VEPH1: variants seen among roughly 807,000 people sequenced by gnomAD.
VEPH1 encodes ventricular zone-expressed PH domain-containing protein homolog 1.
In VEPH1, 80 loss-of-function variants were observed where a neutral mutation model predicts 85.2. The ratio of observed to expected loss-of-function variants is 0.94; its 90% CI spans 0.78 to 1.13. The LOEUF is 1.13. Ranked by LOEUF, VEPH1 falls within the 50% of genes most tolerant of loss-of-function variation. VEPH1 has a pLI of 0.00. For missense variants in VEPH1, 955 were observed against 980.5 expected, an observed-to-expected ratio of 0.97 and a Z score of 0.35; for synonymous variants, 297 against 348.0, an observed-to-expected ratio of 0.85 and a Z score of 1.63.
intron 7 of VEPH1, among the ~76,000 whole-genome samples, chr3:157,380,744 A>G (rs1446612575): frequency 6.6e-6 from 1 of 152,162 alleles, no homozygotes; most frequent in Admixed American, 6.5e-5. Flanking sequence ...GCACTTAAAT[A>G]TTTATCTCAT....
rs71872669 is a variant in VEPH1 at position 157,304,019 on chromosome 3, T to TATATATATATA, written c.2010+9601_2010+9602insTATATATATAT. On this transcript the variant is annotated intron_variant, in intron 11 of 13. Coordinates refer to ENST00000362010, the MANE Select transcript of VEPH1 (RefSeq NM_001167912.2). Reference sequence around the variant, plus strand: ...GTAGACTTAAATTTCTCATCTTATATTTTTTATATATATATATATACACAC... The same window carrying TATATATATATA: ...GTAGACTTAAATTTCTCATCTTATATATATATATATATTTTTATATATATATATATACACAC... Among the ~76,000 whole-genome samples, 12 of 52,306 alleles carry TATATATATATA rather than the reference T, an allele frequency of 2.3e-4. 1 individual carries two copies. The Middle Eastern group carries it at 0.021, about 90-fold the overall frequency. The allele number at this position is 52,306 out of a possible 152,430, so 34.3% of individuals were successfully genotyped here. A position where few individuals can be genotyped will look rare whatever the true frequency, so the allele number is the denominator to read the frequency against.
At chr3:157,429,629 A>C (rs1273270000) in intron 4 of VEPH1, among the ~76,000 whole-genome samples, 2 of 152,206 alleles carry the variant, frequency 1.3e-5, no homozygotes, top group African/African-American at 4.8e-5. Flanking sequence ...GGAAATATTT[A>C]GAGTTTTCTT....
At chr3:157,445,916 A>T (rs1486132805) in intron 4 of VEPH1, among the ~76,000 whole-genome samples, 1 of 152,212 alleles carries the variant, frequency 6.6e-6, no homozygotes, top group Admixed American at 6.5e-5. Flanking sequence ...TATCTGACTT[A>T]AAAAAACAAC....
intron 2 of VEPH1, among the ~76,000 whole-genome samples, chr3:157,490,537 A>G (rs1391211496): frequency 3.9e-5 from 6 of 152,152 alleles, no homozygotes; most frequent in Admixed American, 3.9e-4. Context: ...CAACCTTGGT[A>G]ATAATGAGAG....
At chr3:157,398,398 G>A (rs1294249346) in intron 6 of VEPH1, among the ~76,000 whole-genome samples, 4 of 152,212 alleles carry the variant, frequency 2.6e-5, no homozygotes, top group Non-Finnish European at 5.9e-5. Flanking sequence ...CACTTTGGGA[G>A]GCCGAGGCGT....
At chr3:157,359,603 GT>G (rs1196258523) in intron 9 of VEPH1, among the ~76,000 whole-genome samples, 8 of 152,118 alleles carry the variant, frequency 5.3e-5, no homozygotes, top group Non-Finnish European at 8.8e-5. Flanking sequence ...TCTATTGCCT[GT>G]TCCCAGTGTG....
At chr3:157,406,084 T>A (rs1462422364) in intron 6 of VEPH1, among the ~76,000 whole-genome samples, 2 of 152,190 alleles carry the variant, frequency 1.3e-5, no homozygotes, top group Non-Finnish European at 2.9e-5. Context: ...GTACCCTTTT[T>A]AACAATACAA....
At chr3:157,471,254 G>A (rs1030866331) in intron 2 of VEPH1, among the ~76,000 whole-genome samples, 7 of 152,194 alleles carry the variant, frequency 4.6e-5, no homozygotes, top group African/African-American at 1.7e-4. Flanking sequence ...GAGATGGGAA[G>A]TGATGGGGTT....
intron 9 of VEPH1, among the ~76,000 whole-genome samples, chr3:157,353,655 A>G (rs1268088204): frequency 6.6e-6 from 1 of 152,090 alleles, no homozygotes; most frequent in Non-Finnish European, 1.5e-5. Context: ...TTGTACATAC[A>G]TACACATATA....
At chr3:157,471,462 A>G (rs1736951230) in intron 2 of VEPH1, among the ~76,000 whole-genome samples, 1 of 152,324 alleles carries the variant, frequency 6.6e-6, no homozygotes, top group Non-Finnish European at 1.5e-5. Flanking sequence ...TATGTTCCAG[A>G]AAGGTTTTAC....
Position 157,304,034 on chromosome 3 carries a change from T to TACACACAC in VEPH1, c.2010+9586_2010+9587insGTGTGTGT, listed in dbSNP as rs1010861158. Among the ~76,000 whole-genome samples the TACACACAC allele has an allele frequency of 1.6e-4, 12 of 73,072 alleles. 1 individual carries two copies. Among genetic ancestry groups the TACACACAC allele is most frequent in the Non-Finnish European group, 4.5e-4 (12 of 26,780 alleles). 47.9% of individuals were successfully genotyped at this position (73,072 alleles called of 152,430 possible). ...TCATCTTATATTTTTTATATATATA[T>TACACACAC]ATATACACACATACTGTTACATCTT... On this transcript the variant is annotated intron_variant, in intron 11 of 13. Transcript: ENST00000362010.
At chr3:157,411,974 C>T (rs1165787053) in intron 6 of VEPH1, among the ~76,000 whole-genome samples, 1 of 152,246 alleles carries the variant, frequency 6.6e-6, no homozygotes, top group Non-Finnish European at 1.5e-5. Context: ...GACTCGATCA[C>T]GAGGGTGGAT....
chr3:157,363,595 G>T lies in VEPH1; in HGVS notation c.1504C>A (p.Gln502Lys), dbSNP rs780095027. ...TATGAAACTGAAGACTCCCCCAGCT[G>T]TGATCTCTCAGTGTCTGTCTTAAAC... ...LPFKTDTERS[Q>K]LGESSVSYPN... Residue 502 changes from glutamine (Q) to lysine (K), a missense_variant, in exon 9 of 14, where the codon CAG (glutamine) becomes AAG (lysine). Transcript: ENST00000362010. 3.7e-6 allele frequency: 6 copies of T among 1,613,984 alleles called. No individual in the cohort carries two copies. The African/African-American group carries it at 8.0e-5, about 22-fold the overall frequency.
intron 4 of VEPH1, chr3:157,438,035 G>GCTCACACA: frequency 1.4e-6 from 1 of 701,790 alleles, no homozygotes. Flanking sequence ...GCGCGCGCGC[G>GCTCACACA]CGCACACACA....
At chr3:157,480,032 TTC>T in intron 2 of VEPH1, among the ~76,000 whole-genome samples, 1 of 88,094 alleles carries the variant, frequency 1.1e-5, no homozygotes, top group East Asian at 3.7e-4. Context: ...CTTTCTTTCA[TTC>T]TTTTTTTCTT....
chr3:157,486,298 C>G (rs912979065), intron 2 of VEPH1, among the ~76,000 whole-genome samples: 1 of 151,980 alleles, frequency 6.6e-6, no homozygotes, highest in Non-Finnish European at 1.5e-5. Flanking sequence ...GAGTTCAAGA[C>G]AAGCCTGACC....
chr3:157,363,940 A>G (rs556354690), intron 8 of VEPH1, among the ~76,000 whole-genome samples, 179 bp from the exon 9 acceptor site: 18 of 152,224 alleles, frequency 1.2e-4, no homozygotes, highest in Non-Finnish European at 2.4e-4. Context: ...TGAAAATCTA[A>G]GTCACCTCCA....
At chr3:157,389,923 T>C (rs1227446848) in intron 6 of VEPH1, among the ~76,000 whole-genome samples, 2 of 152,230 alleles carry the variant, frequency 1.3e-5, no homozygotes, top group Non-Finnish European at 2.9e-5. Flanking sequence ...TTGGCTACCA[T>C]GGGCAGATTT....
intron 13 of VEPH1, among the ~76,000 whole-genome samples, chr3:157,264,558 G>C (rs576498413): frequency 1.3e-5 from 2 of 152,156 alleles, no homozygotes; most frequent in East Asian, 3.8e-4. Context: ...ACTCATTTAA[G>C]AACATGCTTT....
Sources: gnomAD v4.1 joint callset for allele counts (sites outside exome capture counted in the v4.1 genomes callset) on GRCh38, gnomAD v4.1.1 for gene constraint, MANE v1.5 for transcripts, NCBI Gene and HGNC (gene_info 2026-07-23, HGNC 2026-07-21) for gene names.